Variants in SPEF2 observed in about 807,000 individuals in gnomAD.
The protein encoded by SPEF2 is sperm flagella and cilia-associated protein 2.
In SPEF2, 187 loss-of-function variants were observed where a neutral mutation model predicts 224.6. The ratio of observed to expected loss-of-function variants is 0.83; its 90% CI spans 0.74 to 0.94. The LOEUF (loss-of-function observed/expected upper bound fraction) is 0.94. Ranked by LOEUF, SPEF2 falls within the 40% of genes least tolerant of loss-of-function variation. The probability of loss-of-function intolerance (pLI) is 0.00; values close to 1 mark genes in which losing one functional copy is unlikely to be tolerated. For synonymous variants in SPEF2, 715 were observed against 707.3 expected (o/e 1.01, Z -0.17); for missense variants, 2,170 against 2,135.6 (o/e 1.02, Z -0.32).
chr5:35,792,332 T>C lies in SPEF2; in HGVS notation c.4448-8T>C. 1 of 1,609,858 alleles carries C rather than the reference T, an allele frequency of 6.2e-7. No individual in the cohort carries two copies. The highest frequency in any genetic ancestry group is 8.5e-7 in the Non-Finnish European group (1 of 1,177,282). On this transcript the variant is annotated splice_region_variant and splice_polypyrimidine_tract_variant and intron_variant, in intron 30 of 36. Transcript: ENST00000356031. ...CCAAGTGACAAAATATTTTTCATTG[T>C]ATTATAGGCATAATAGGAAATAAAG... is the stretch of plus-strand genomic sequence containing the variant.
chr5:35,796,536 C>T (rs956478272), intron 33 of SPEF2, among the ~76,000 whole-genome samples: 4 of 150,790 alleles, frequency 2.7e-5, no homozygotes, highest in Admixed American at 1.3e-4. Flanking sequence ...GGCGTGAACC[C>T]GGGAGGCAGA....
At chr5:35,711,467 C>G (rs1231825864) in intron 19 of SPEF2, among the ~76,000 whole-genome samples, 1 of 152,056 alleles carries the variant, frequency 6.6e-6, no homozygotes, top group Non-Finnish European at 1.5e-5. Context: ...ATTGAAGGGT[C>G]TATTATCAAA....
chr5:35,666,695 G>A (rs576192812), intron 8 of SPEF2, among the ~76,000 whole-genome samples: 105 of 152,220 alleles, frequency 6.9e-4, no homozygotes, highest in African/African-American at 2.5e-3. Flanking sequence ...GGGAGGGAGG[G>A]GTCAGCTATG....
At chr5:35,683,577 A>T (rs1015362735) in intron 10 of SPEF2, among the ~76,000 whole-genome samples, 6 of 152,228 alleles carry the variant, frequency 3.9e-5, no homozygotes, top group Non-Finnish European at 8.8e-5. Context: ...GTTAGCCAAG[A>T]TCGCGCTACT....
chr5:35,812,487 A>G (rs1196633481), intron 36 of SPEF2, among the ~76,000 whole-genome samples: 1 of 152,196 alleles, frequency 6.6e-6, no homozygotes, highest in African/African-American at 2.4e-5. Flanking sequence ...TTGTATAAAT[A>G]TAAGAAGATC....
chr5:35,666,517 A>G (rs1484276232), intron 8 of SPEF2, among the ~76,000 whole-genome samples: 1 of 150,994 alleles, frequency 6.6e-6, no homozygotes, highest in African/African-American at 2.4e-5. Context: ...AGAGGGTTGT[A>G]ATTAACACAT....
At chr5:35,725,319 A>G (rs1284467831) in intron 20 of SPEF2, among the ~76,000 whole-genome samples, 1 of 152,194 alleles carries the variant, frequency 6.6e-6, no homozygotes, top group African/African-American at 2.4e-5. Flanking sequence ...GAAAGCTATC[A>G]CTGTTAACTG....
intron 33 of SPEF2, among the ~76,000 whole-genome samples, 190 bp from the exon 34 acceptor site, chr5:35,799,778 G>C (rs992315247): frequency 3.9e-5 from 6 of 151,978 alleles, no homozygotes; most frequent in Non-Finnish European, 8.8e-5. Flanking sequence ...CAATATTTCA[G>C]GGCCCCACTT....
Position 35,659,587 on chromosome 5 carries a change from T to G in SPEF2, c.1167+380T>G, listed in dbSNP as rs367584349. ...ACAGTGTGTGCCTTTTATACTTGATTGTAAGTTTGGCTGTATATAAAATGG... is the reference window on the plus strand; with the variant it reads ...ACAGTGTGTGCCTTTTATACTTGATGGTAAGTTTGGCTGTATATAAAATGG... On this transcript the variant is annotated intron_variant, in intron 8 of 36. Transcript: ENST00000356031. Among the ~76,000 whole-genome samples the G allele has an allele frequency of 2.0e-5, 3 of 152,188 alleles. No homozygotes were observed. The East Asian group carries it at 5.8e-4, about 29-fold the overall frequency.
intron 10 of SPEF2, among the ~76,000 whole-genome samples, chr5:35,681,611 TA>T (rs1309394342): frequency 1.3e-5 from 2 of 152,166 alleles, no homozygotes; most frequent in Admixed American, 1.3e-4. Flanking sequence ...GTATTTATTT[TA>T]AAAAAGGACA....
intron 20 of SPEF2, among the ~76,000 whole-genome samples, chr5:35,720,487 A>G (rs1358376443): frequency 6.6e-6 from 1 of 152,202 alleles, no homozygotes; most frequent in Non-Finnish European, 1.5e-5. Flanking sequence ...AGCATCTGTT[A>G]AAATTCTATA....
chr5:35,807,951 A>G lies in SPEF2; in HGVS notation c.5379+698A>G, dbSNP rs914409258. The G allele has an allele frequency of 2.9e-6, 4 of 1,386,756 alleles. No individual in the cohort carries two copies. In the African/African-American group the frequency reaches 4.3e-5, roughly 15 times the overall value. The allele number at this position is 1,386,756 out of a possible 1,614,324, so 85.9% of individuals were successfully genotyped here. On this transcript the variant is annotated intron_variant, in intron 36 of 36. Coordinates refer to ENST00000356031, the MANE Select transcript of SPEF2 (RefSeq NM_024867.4). ...CATCCCTCTCAGATACCAGTTTAAC[A>G]CGAAGTCTCCCTGTTTGACTCCTGT...
intron 5 of SPEF2, 57 bp downstream of exon 5, chr5:35,646,864 T>C: frequency 1.9e-6 from 3 of 1,575,620 alleles, no homozygotes; most frequent in Non-Finnish European, 1.7e-6. Context: ...GAATAGTCTG[T>C]CTCTGGAACA....
chr5:35,640,374 C>T (rs1306227797), intron 2 of SPEF2, among the ~76,000 whole-genome samples: 2 of 152,058 alleles, frequency 1.3e-5, no homozygotes, highest in Admixed American at 6.6e-5. Context: ...CATGAAAGGA[C>T]GACTGTGATG....
chr5:35,766,531 G>A (rs1191034431), intron 26 of SPEF2, among the ~76,000 whole-genome samples: 1 of 151,856 alleles, frequency 6.6e-6, no homozygotes, highest in East Asian at 1.9e-4. Flanking sequence ...TTTATTATTT[G>A]TGCTTTTCCT....
chr5:35,793,727 AACACACACACACACAC>A (rs374573342), intron 32 of SPEF2, among the ~76,000 whole-genome samples: 8 of 100,888 alleles, frequency 7.9e-5, no homozygotes, highest in African/African-American at 2.5e-4. Flanking sequence ...CAGTGGTTAA[AACACACACACACACAC>A]ACACACACAC....
intron 7 of SPEF2, among the ~76,000 whole-genome samples, chr5:35,657,115 C>T (rs1382922608): frequency 2.0e-5 from 3 of 152,232 alleles, no homozygotes; most frequent in Non-Finnish European, 4.4e-5. Flanking sequence ...CTGCTTTTCA[C>T]AAGCATGACA....
chr5:35,735,727 C>A (rs10060318), intron 21 of SPEF2, among the ~76,000 whole-genome samples: 18 of 152,238 alleles, frequency 1.2e-4, no homozygotes, highest in African/African-American at 4.3e-4. Context: ...CAGCTTTATT[C>A]ATTTAGATTA....
chr5:35,780,189 A>G (rs1048183170), intron 30 of SPEF2, among the ~76,000 whole-genome samples: 3 of 152,116 alleles, frequency 2.0e-5, no homozygotes, highest in Non-Finnish European at 2.9e-5. Flanking sequence ...AACATATACT[A>G]CTTATTGGGA....
Sources: allele counts gnomAD v4.1 joint callset (sites outside exome capture counted in the v4.1 genomes callset), GRCh38; gene constraint gnomAD v4.1.1; transcripts MANE v1.5; gene names NCBI Gene and HGNC (gene_info 2026-07-23, HGNC 2026-07-21).